The following NEB variants were observed in gnomAD, a reference collection of about 807,000 sequenced individuals.
NEB encodes nebulin, also known as nemaline myopathy type 2.
In NEB, 512 loss-of-function variants were observed where a neutral mutation model predicts 952.2. The ratio of observed to expected loss-of-function variants is 0.54; its 90% CI spans 0.50 to 0.58. The LOEUF (loss-of-function observed/expected upper bound fraction) is 0.58, where lower values mean the gene tolerates loss of function less well. NEB is among the 20% of genes least tolerant of loss of function. NEB has a pLI of 0.00. For synonymous variants in NEB, 2,900 were observed against 3,149.8 expected (o/e 0.92, Z 2.66); for missense variants, 8,428 against 9,231.1 (o/e 0.91, Z 3.56).
intron 96 of NEB, among the ~76,000 whole-genome samples, chr2:151,590,985 CT>C (rs1288777913): frequency 3.3e-4 from 10 of 30,242 alleles, no homozygotes; most frequent in Admixed American, 7.1e-4. Context: ...TAAAAAAATA[CT>C]TGTGCATGTA....
chr2:151,516,191 A>G (rs1331765568), intron 157 of NEB, among the ~76,000 whole-genome samples: 2 of 152,196 alleles, frequency 1.3e-5, no homozygotes, highest in South Asian at 2.1e-4. Flanking sequence ...ATTCAGTATA[A>G]TTTGTGTTGG....
chr2:151,626,622 C>T (rs776552054), intron 70 of NEB, among the ~76,000 whole-genome samples: 2 of 151,838 alleles, frequency 1.3e-5, no homozygotes, highest in South Asian at 2.1e-4. Context: ...CTACGAGCTC[C>T]GCCTCTCAGG....
In NEB at chr2:151,563,892, A is replaced by G. The variant is rs1175502882; in HGVS notation, c.18510T>C (p.Tyr6170=). The G allele has an allele frequency of 6.2e-7, 1 of 1,612,234 alleles. No individual in the cohort carries two copies. Among genetic ancestry groups the G allele is most frequent in the Non-Finnish European group, 8.5e-7 (1 of 1,179,140 alleles). Residue 6170 remains tyrosine (Y), a synonymous_variant, in exon 118 of 182, where the codon TAT becomes TAC. Transcript: ENST00000397345. ...TGTAGCGCTCATCCAGGGTGTAGCC[A>G]TAGGCCTTGGTGCCCTCCCACGCCC... is the stretch of plus-strand genomic sequence containing the variant. ...YKGAWEGTKA[Y]GYTLDERYIP...
chr2:151,723,547 A>G lies in NEB; in HGVS notation c.613-61T>C, dbSNP rs113208235. The G allele has an allele frequency of 8.6e-4, 1,045 of 1,209,144 alleles. 5 individuals are homozygous for G. The African/African-American group carries it at 0.012, about 14-fold the overall frequency. The allele number at this position is 1,209,144 out of a possible 1,614,324, so 74.9% of individuals were successfully genotyped here. ...AGGGTCACGTTTACACAAAATACATAGTTTTGAATTCATCCATTAATAACC... is the reference window on the plus strand; with the variant it reads ...AGGGTCACGTTTACACAAAATACATGGTTTTGAATTCATCCATTAATAACC... On this transcript the variant is annotated intron_variant, in intron 8 of 181. Coordinates refer to ENST00000397345, the MANE Select transcript of NEB (RefSeq NM_001164508.2).
intron 153 of NEB, among the ~76,000 whole-genome samples, chr2:151,521,409 A>C (rs768958548): frequency 6.8e-6 from 1 of 148,018 alleles, no homozygotes; most frequent in Non-Finnish European, 1.5e-5. Context: ...CACTCTCAAC[A>C]TAAAGAAGTG....
intron 169 of NEB, among the ~76,000 whole-genome samples, chr2:151,499,014 C>T (rs1219619427): frequency 7.4e-6 from 1 of 134,682 alleles, no homozygotes; most frequent in African/African-American, 2.7e-5. Context: ...AGGTTCAGAT[C>T]AAATTTGCCA....
At position 151,643,311 on chromosome 2, in the gene NEB, A is replaced by G; in HGVS notation, c.7999T>C (p.Trp2667Arg). 1 of 1,613,978 alleles carries G rather than the reference A, an allele frequency of 6.2e-7. No homozygotes were observed. The highest frequency in any genetic ancestry group is 8.5e-7 in the Non-Finnish European group (1 of 1,179,862). ...TCCTCGAGAGAACCACTAGTCATCC[A>G]GCCAATGCCTTTTAGCCACTGAAGG... ...SDLQWLKGIG[W>R]MTSGSLEDEK... is the part of the protein sequence containing the mutation. The change falls in exon 58 of 182, where the codon TGG becomes CGG. Residue 2667 changes from tryptophan (W) to arginine (R), a missense_variant. Coordinates refer to ENST00000397345, the MANE Select transcript of NEB (RefSeq NM_001164508.2).
intron 46 of NEB, among the ~76,000 whole-genome samples, chr2:151,661,624 T>C (rs1371160736): frequency 6.6e-6 from 1 of 152,222 alleles, no homozygotes; most frequent in Non-Finnish European, 1.5e-5. Flanking sequence ...AAGTCTTTTC[T>C]AAAAGCTGGA....
chr2:151,723,750 G>GGTT (rs1553685530), intron 8 of NEB, among the ~76,000 whole-genome samples: 4 of 51,380 alleles, frequency 7.8e-5, no homozygotes, highest in Admixed American at 2.5e-4. Flanking sequence ...TGCCTTCTTT[G>GGTT]TTTTTTTTTT....
chr2:151,516,978 T>C (rs1307379038), intron 156 of NEB, among the ~76,000 whole-genome samples: 1 of 152,222 alleles, frequency 6.6e-6, no homozygotes, highest in Admixed American at 6.5e-5. Flanking sequence ...TAGTTTTTCT[T>C]TCACAAGAAC....
chr2:151,577,287 T>TC (rs2096905404), intron 105 of NEB, among the ~76,000 whole-genome samples: 3 of 152,138 alleles, frequency 2.0e-5, no homozygotes, highest in African/African-American at 7.2e-5. Flanking sequence ...CCTCGTGTCA[T>TC]CTGTACTTCC....
At chr2:151,652,417 G>A (rs925691478) in intron 52 of NEB, among the ~76,000 whole-genome samples, 3 of 152,028 alleles carry the variant, frequency 2.0e-5, no homozygotes, top group African/African-American at 7.2e-5. Context: ...TAAAGAAAGA[G>A]TCTCACTACG....
rs772297512 is a variant in NEB at position 151,526,273 on chromosome 2, A to G, written c.21946-11T>C. 6 of 1,576,608 alleles carry G rather than the reference A, an allele frequency of 3.8e-6. No individual in the cohort carries two copies. The highest frequency in any genetic ancestry group is 5.2e-6 in the Non-Finnish European group (6 of 1,150,730). On this transcript the variant is annotated splice_polypyrimidine_tract_variant and intron_variant, in intron 148 of 181. Transcript: ENST00000397345. The stretch of plus-strand genomic sequence containing the variant: ...CTCTTTGTATTTCAGCTTCAGGGGC[A>G]GGAAAAGGGGCATTTCTTTAGCTCT...
At position 151,633,722 on chromosome 2, in the gene NEB, C is replaced by A. The variant is rs193042896; in HGVS notation, c.9346G>T (p.Glu3116Ter). The A allele has an allele frequency of 6.2e-7, 1 of 1,613,862 alleles. No homozygotes were observed. Among genetic ancestry groups the A allele is most frequent in the African/African-American group, 1.3e-5 (1 of 74,916 alleles). Residue 3116 changes from glutamate (E) to a stop codon, truncating the protein, a stop_gained, in exon 65 of 182, where the codon GAG becomes TAG. Coordinates refer to ENST00000397345, the MANE Select transcript of NEB (RefSeq NM_001164508.2). LOFTEE classifies it high-confidence loss of function. ...CTCTGGTCAGGCAGGCATGTCCACT[C>A]GTGCAGGTAGTTCTTATAGTCCACG... ...SDVDYKNYLHEWTCLPDQSDV... is the reference protein window; with the variant it reads ...SDVDYKNYLH
chr2:151,506,907 A>G lies in NEB; in HGVS notation c.23556+2T>C. The stretch of plus-strand genomic sequence containing the variant: ...TAAATGCAAAATAAATAGTAAATAT[A>G]CCGAGCTGAAATTCTTCTGATTTTC... On this transcript the variant is annotated splice_donor_variant, in intron 163 of 181. Transcript: ENST00000397345. LOFTEE classifies it high-confidence loss of function. The G allele has an allele frequency of 6.3e-7, 1 of 1,578,636 alleles. No homozygotes were observed. Among genetic ancestry groups the G allele is most frequent in the Non-Finnish European group, 8.7e-7 (1 of 1,149,366 alleles).
chr2:151,672,333 G>A (rs1196739391), intron 37 of NEB, 36 bp downstream of exon 37: 2 of 1,521,082 alleles, frequency 1.3e-6, no homozygotes, highest in African/African-American at 1.4e-5. Context: ...TCCTTTAAGT[G>A]CAAACATCTC....
chr2:151,722,465 C>A (rs2099777207), intron 9 of NEB, among the ~76,000 whole-genome samples: 1 of 149,340 alleles, frequency 6.7e-6, no homozygotes, highest in African/African-American at 2.5e-5. Context: ...ACTGAAGTAT[C>A]TTCTGATAGC....
chr2:151,727,191 T>C (rs1168167843), intron 5 of NEB, among the ~76,000 whole-genome samples: 2 of 152,208 alleles, frequency 1.3e-5, no homozygotes, highest in African/African-American at 4.8e-5. Context: ...TTTTAAGGTA[T>C]AGCCAAACAT....
chr2:151,698,394 T>C (rs1205393662), intron 13 of NEB, among the ~76,000 whole-genome samples: 14 of 151,996 alleles, frequency 9.2e-5, no homozygotes, highest in African/African-American at 2.4e-5. Flanking sequence ...AAAAACTCTG[T>C]AGTTGCCAAG....
Sources: allele counts gnomAD v4.1 joint callset (sites outside exome capture counted in the v4.1 genomes callset), GRCh38; gene constraint gnomAD v4.1.1; transcripts MANE v1.5; gene names NCBI Gene and HGNC (gene_info 2026-07-23, HGNC 2026-07-21).